The following FRYL variants were observed in gnomAD, a reference collection of about 807,000 sequenced individuals.
FRYL encodes protein furry homolog-like.
FRYL carries 150 observed loss-of-function variants against 351.2 expected under a neutral mutation model. That is an observed-to-expected ratio of 0.43 (90% confidence interval 0.37 to 0.49). FRYL has a LOEUF of 0.49. FRYL is among the 20% of genes least tolerant of loss of function. The pLI, the probability that FRYL is intolerant of heterozygous loss-of-function variation, is 0.00. For synonymous variants in FRYL, 1,153 were observed against 1,257.1 expected (o/e 0.92, Z 1.75); for missense variants, 3,036 against 3,619.3 (o/e 0.84, Z 4.13).
At chr4:48,764,046 T>C (rs1774691887) in intron 1 of FRYL, among the ~76,000 whole-genome samples, 2 of 152,094 alleles carry the variant, frequency 1.3e-5, no homozygotes, top group Non-Finnish European at 2.9e-5. Flanking sequence ...GGCAGGTGCC[T>C]GTAATCCCAG....
rs1047890369 is a variant in FRYL at position 48,567,947 on chromosome 4, T to C, written c.2997-527A>G. 5.3e-5 allele frequency among the ~76,000 whole-genome samples: 8 copies of C among 152,216 alleles called. No homozygotes were observed. Among genetic ancestry groups the C allele is most frequent in the African/African-American group, 1.9e-4 (8 of 41,468 alleles). ...AGAGTACTGGGTTTCAAAACCTTTC[T>C]ATACCTATGAAATTGCCTTTAAGAA... On this transcript the variant is annotated intron_variant, in intron 27 of 63. Transcript: ENST00000358350. The surrounding 1 kb of genome is among the most constrained non-coding windows in gnomAD (Gnocchi z 4.2).
At chr4:48,617,430 C>T (rs1289670080) in intron 7 of FRYL, among the ~76,000 whole-genome samples, 1 of 151,170 alleles carries the variant, frequency 6.6e-6, no homozygotes, top group Non-Finnish European at 1.5e-5. Context: ...CTAACTGTAA[C>T]CTCAAATCCC....
intron 3 of FRYL, among the ~76,000 whole-genome samples, chr4:48,676,627 G>C (rs1162502314): frequency 2.7e-5 from 4 of 150,802 alleles, no homozygotes; most frequent in Non-Finnish European, 5.9e-5. Flanking sequence ...TCCTGACCTC[G>C]TGATCCGCCC....
At chr4:48,632,106 A>ATG (rs1553957647) in intron 4 of FRYL, among the ~76,000 whole-genome samples, 2,660 of 57,808 alleles carry the variant, frequency 0.046, 94 homozygotes, top group African/African-American at 0.059. Context: ...ATATATATAT[A>ATG]TATATATATA....
At chr4:48,516,349 T>C (rs376784936) in intron 55 of FRYL, among the ~76,000 whole-genome samples, 22 of 152,174 alleles carry the variant, frequency 1.4e-4, no homozygotes, top group African/African-American at 5.1e-4. Flanking sequence ...TCAAGAGATA[T>C]TGGTTGAATG....
In FRYL at chr4:48,579,159, T is replaced by A. The variant is rs774891308; in HGVS notation, c.2342A>T (p.Asp781Val). The A allele has an allele frequency of 5.0e-6, 8 of 1,613,750 alleles. No homozygotes were observed. Among genetic ancestry groups the A allele is most frequent in the Non-Finnish European group, 6.8e-6 (8 of 1,179,776 alleles). ...CCATATATGTGATGGACTAATCACA[T>A]CAAACTGGTGGCTAATAGGAGAAGA... ...WNSSPISHQF[D>V]VISPSHIWIF... The change falls in exon 23 of 64, where the codon GAT becomes GTT. Residue 781 changes from aspartate to valine, a missense_variant. By Grantham distance (152) the Asp-to-Val change is radical. Around this residue, in one of 7 missense-constraint regions of FRYL, gnomAD observed 492 missense variants for 551.5 expected, o/e 0.89. Coordinates refer to ENST00000358350, the MANE Select transcript of FRYL (RefSeq NM_015030.2).
intron 31 of FRYL, among the ~76,000 whole-genome samples, chr4:48,563,721 A>G (rs79723882): frequency 4.0e-5 from 6 of 151,154 alleles, no homozygotes; most frequent in African/African-American, 1.5e-4. Context: ...AAAAAAAAAA[A>G]GGAGTATACG....
At chr4:48,628,431 C>CGTGTGCGTGTGTGT in intron 4 of FRYL, among the ~76,000 whole-genome samples, 1 of 144,750 alleles carries the variant, frequency 6.9e-6, no homozygotes, top group South Asian at 2.2e-4. Context: ...CCTTCATTTG[C>CGTGTGCGTGTGTGT]GTGTGTGTGT....
intron 35 of FRYL, among the ~76,000 whole-genome samples, chr4:48,556,235 C>T (rs1247153604): frequency 1.3e-5 from 2 of 152,134 alleles, no homozygotes; most frequent in African/African-American, 2.4e-5. Flanking sequence ...ACTAGTCTTC[C>T]GTGGACCACA....
intron 2 of FRYL, among the ~76,000 whole-genome samples, chr4:48,687,504 G>GA (rs1765264941): frequency 1.0e-5 from 1 of 96,950 alleles, no homozygotes; most frequent in Non-Finnish European, 2.1e-5. Flanking sequence ...GGGGGGGGGG[G>GA]GGTGAGGGGG....
At chr4:48,656,083 A>G (rs1758872903) in intron 3 of FRYL, among the ~76,000 whole-genome samples, 1 of 131,378 alleles carries the variant, frequency 7.6e-6, no homozygotes, top group Non-Finnish European at 1.6e-5. Flanking sequence ...ATTATATATA[A>G]TTTTATATAA....
In FRYL at chr4:48,497,975, A is replaced by C. The variant is rs549238151; in HGVS notation, c.*1447T>G. 2.1e-4 allele frequency: 32 copies of C among 152,718 alleles called. No homozygotes were observed. The highest frequency in any genetic ancestry group is 7.5e-4 in the African/African-American group (31 of 41,562). The allele number at this position is 152,718 out of a possible 1,614,324, so 9.5% of individuals were successfully genotyped here. On this transcript the variant is annotated 3_prime_UTR_variant, in exon 64 of 64. Coordinates refer to ENST00000358350, the MANE Select transcript of FRYL (RefSeq NM_015030.2). The stretch of plus-strand genomic sequence containing the variant: ...TTTCTACATTCTAAACTCTGGAATC[A>C]CAGAGCCCAGTTTAAAAGAAAAGTC...
intron 4 of FRYL, among the ~76,000 whole-genome samples, chr4:48,624,156 T>C (rs1751294495): frequency 6.6e-6 from 1 of 152,182 alleles, no homozygotes; most frequent in Non-Finnish European, 1.5e-5. Flanking sequence ...CTTATTAATT[T>C]AACTGATATC....
chr4:48,547,806 G>A (rs372615884), intron 40 of FRYL, 37 bp from the exon 41 acceptor site: 4 of 1,284,234 alleles, frequency 3.1e-6, no homozygotes, highest in East Asian at 2.6e-5. Flanking sequence ...TCAATAAAGA[G>A]AAATAATGAG....
intron 7 of FRYL, among the ~76,000 whole-genome samples, chr4:48,612,098 T>C (rs529976704): frequency 2.0e-5 from 3 of 152,218 alleles, no homozygotes; most frequent in Admixed American, 1.3e-4. Context: ...TTACATTCCA[T>C]TAGTTTTCTG....
chr4:48,740,540 C>T (rs1228207269), intron 1 of FRYL, among the ~76,000 whole-genome samples: 1 of 152,104 alleles, frequency 6.6e-6, no homozygotes, highest in African/African-American at 2.4e-5. Context: ...GGTGATCTGC[C>T]TGTCTCAGCC....
chr4:48,755,357 T>G (rs1460896536), intron 1 of FRYL, among the ~76,000 whole-genome samples: 1 of 152,186 alleles, frequency 6.6e-6, no homozygotes, highest in African/African-American at 2.4e-5. Context: ...CCTCAACATT[T>G]TCATTCACAT....
rs1767901960 is a variant in FRYL, at chr4:48,710,704, A to C, written c.-383-6T>G. 1 of 397,516 alleles carries C rather than the reference A, an allele frequency of 2.5e-6. No individual in the cohort carries two copies. Among genetic ancestry groups the C allele is most frequent in the South Asian group, 1.3e-4 (1 of 7,472 alleles). 24.6% of individuals were successfully genotyped at this position (397,516 alleles called of 1,614,324 possible). On this transcript the variant is annotated splice_region_variant and splice_polypyrimidine_tract_variant and intron_variant, in intron 1 of 63. Coordinates refer to ENST00000358350, the MANE Select transcript of FRYL (RefSeq NM_015030.2). ...AGAATATGGAATGTTCTAGGCTGGA[A>C]GATTAAAAAATAGGAAATATGGTCA...
At chr4:48,684,589 A>G (rs1279639280) in intron 3 of FRYL, 84 bp downstream of exon 3, 4 of 152,162 alleles carry the variant, frequency 2.6e-5, no homozygotes, top group African/African-American at 9.7e-5. Context: ...TTATAGTAGA[A>G]CCTCACAGCT....
Sources: allele counts gnomAD v4.1 joint callset (sites outside exome capture counted in the v4.1 genomes callset), GRCh38; gene constraint gnomAD v4.1.1; regional missense constraint gnomAD v4.1.1; non-coding constraint Gnocchi (gnomAD v3.1); transcripts MANE v1.5; gene names NCBI Gene and HGNC (gene_info 2026-07-23, HGNC 2026-07-21).